The following PTPRS variants were observed in gnomAD, a reference collection of about 807,000 sequenced individuals.
PTPRS encodes receptor-type tyrosine-protein phosphatase S.
A neutral mutation model predicts 215.3 loss-of-function variants in PTPRS; 63 were observed. The observed-to-expected ratio is 0.29, with a 90% CI of 0.24 to 0.36. PTPRS has a LOEUF of 0.36. PTPRS is among the 10% of genes least tolerant of loss of function. PTPRS has a pLI of 1.00. For missense variants in PTPRS, 2,258 were observed against 2,825.8 expected, an observed-to-expected ratio of 0.80 and a Z score of 4.56; for synonymous variants, 1,404 against 1,191.4, an observed-to-expected ratio of 1.18 and a Z score of -3.68.
chr19:5,220,224 C>T (rs771085447), intron 21 of PTPRS, 36 bp downstream of exon 21: 2 of 1,610,070 alleles, frequency 1.2e-6, no homozygotes. Flanking sequence ...AACTGGAATG[C>T]ATCTGGGCCC....
Position 5,208,029 on chromosome 19 carries a change from T to C in PTPRS, c.5671A>G (p.Ile1891Val). ...SAGVGRTGVF[I>V]TLSIVLERMR... is the part of the protein sequence containing the mutation. ...CGCTCCAGCACGATGCTAAGCGTGA[T>C]GAAGACGCCCGTCCTGCCCACGCCG... is the stretch of plus-strand genomic sequence containing the variant. The change falls in exon 37 of 38, where the codon ATC becomes GTC. Residue 1891 changes from isoleucine to valine, a missense_variant. Ile to Val is a conservative substitution (Grantham distance 29). Around this residue, in one of 6 missense-constraint regions of PTPRS, gnomAD observed 89 missense variants for 104.0 expected, o/e 0.86. Transcript: ENST00000262963. 6.2e-7 allele frequency: 1 copy of C among 1,613,762 alleles called. No individual in the cohort carries two copies. The highest frequency in any genetic ancestry group is 1.1e-5 in the South Asian group (1 of 91,080).
intron 16 of PTPRS, among the ~76,000 whole-genome samples, chr19:5,227,657 G>A (rs1450600982): frequency 2.0e-5 from 3 of 151,702 alleles, no homozygotes; most frequent in East Asian, 3.9e-4. Flanking sequence ...TGATCCACCC[G>A]TCTTGGCCTC....
chr19:5,255,989 TCCG>T, intron 9 of PTPRS, 116 bp downstream of exon 9: 1 of 718,486 alleles, frequency 1.4e-6, no homozygotes, highest in Non-Finnish European at 2.2e-6. Flanking sequence ...CTATTTTTTT[TCCG>T]TGTGTGTGTC....
In PTPRS at chr19:5,257,306, T is replaced by G. The variant is rs956494857; in HGVS notation, c.706+711A>C. 1 of 408,128 alleles carries G rather than the reference T, an allele frequency of 2.5e-6. No homozygotes were observed. The allele number at this position is 408,128 out of a possible 1,614,324, so 25.3% of individuals were successfully genotyped here. A position where few individuals can be genotyped will look rare whatever the true frequency, so the allele number is the denominator to read the frequency against. On this transcript the variant is annotated intron_variant, in intron 8 of 37. Coordinates refer to ENST00000262963, the MANE Select transcript of PTPRS (RefSeq NM_002850.4). This position sits in a 1 kb window ranked among gnomAD's most constrained non-coding sequence, Gnocchi z 4.4. ...CTGCTGGGCATGACTGAGTGGGAAT[T>G]GGAAACTGAGAGTAACAAGCTTCGC...
chr19:5,243,564 C>G (rs2145937128), intron 11 of PTPRS, among the ~76,000 whole-genome samples: 1 of 151,092 alleles, frequency 6.6e-6, no homozygotes, highest in African/African-American at 2.4e-5. Context: ...ACTGCAACCT[C>G]CACCTCCTGG....
chr19:5,317,342 C>G (rs1240534491), intron 1 of PTPRS, among the ~76,000 whole-genome samples: 1 of 152,084 alleles, frequency 6.6e-6, no homozygotes, highest in African/African-American at 2.4e-5. Context: ...CGTGGTGGCA[C>G]GCGCCTGTAA....
chr19:5,283,701 G>C (rs1394024811), intron 2 of PTPRS, among the ~76,000 whole-genome samples: 1 of 152,194 alleles, frequency 6.6e-6, no homozygotes, highest in Non-Finnish European at 1.5e-5. Context: ...TCACAGTGCA[G>C]CTATACCTGG....
intron 5 of PTPRS, among the ~76,000 whole-genome samples, chr19:5,263,464 T>C (rs2046170498): frequency 6.7e-6 from 1 of 149,372 alleles, no homozygotes; most frequent in Non-Finnish European, 1.5e-5. Flanking sequence ...TGAGGGGCGC[T>C]GGGGATGATT....
At chr19:5,255,702 A>G (rs1225339892) in intron 9 of PTPRS, among the ~76,000 whole-genome samples, 2 of 152,254 alleles carry the variant, frequency 1.3e-5, no homozygotes, top group Admixed American at 1.3e-4. Flanking sequence ...AACCGACAAG[A>G]GAGGCATGCA....
chr19:5,207,795 G>A (rs1426283672), intron 37 of PTPRS, 127 bp downstream of exon 37: 1 of 1,385,392 alleles, frequency 7.2e-7, no homozygotes, highest in Admixed American at 2.1e-5. Flanking sequence ...GGGGTCTGTG[G>A]ACCGTCTACC....
chr19:5,322,499 C>T (rs1045580481), intron 1 of PTPRS, among the ~76,000 whole-genome samples: 3 of 152,012 alleles, frequency 2.0e-5, no homozygotes, highest in African/African-American at 4.8e-5. Context: ...GAGCCCGCCC[C>T]GACTGGCCGA....
intron 7 of PTPRS, among the ~76,000 whole-genome samples, chr19:5,258,416 G>C (rs761505586): frequency 6.4e-4 from 97 of 152,222 alleles, no homozygotes; most frequent in Non-Finnish European, 1.1e-3. Context: ...CTGCCAAGTT[G>C]AATTACAAAG....
chr19:5,239,143 A>C, intron 12 of PTPRS, 80 bp from the exon 13 acceptor site: 1 of 1,016,816 alleles, frequency 9.8e-7, no homozygotes, highest in Non-Finnish European at 1.4e-6. Flanking sequence ...AGAGAGAGAG[A>C]CAGAAACAGA....
Position 5,223,303 on chromosome 19 carries a change from G to C in PTPRS, c.2495-6C>G. The C allele has an allele frequency of 2.1e-6, 3 of 1,450,808 alleles. No individual in the cohort carries two copies. Among genetic ancestry groups the C allele is most frequent in the Non-Finnish European group, 2.7e-6 (3 of 1,109,570 alleles). The allele number at this position is 1,450,808 out of a possible 1,614,324, so 89.9% of individuals were successfully genotyped here. ...CAGGGTTGGGCGGCCCAGCACTGCG[G>C]GGATACGGGGCAGGTGTCAGGGTCC... is the stretch of plus-strand genomic sequence containing the variant. On this transcript the variant is annotated splice_region_variant and splice_polypyrimidine_tract_variant and intron_variant, in intron 17 of 37. Transcript: ENST00000262963.
At chr19:5,252,851 T>C in intron 9 of PTPRS, among the ~76,000 whole-genome samples, 1 of 120,442 alleles carries the variant, frequency 8.3e-6, no homozygotes, top group Admixed American at 1.2e-4. Context: ...CCAGCCTGAG[T>C]GACAAGAGTG....
chr19:5,216,751 G>C lies in PTPRS; in HGVS notation c.4065C>G (p.Ser1355Arg). 1 of 1,576,712 alleles carries C rather than the reference G, an allele frequency of 6.3e-7. No homozygotes were observed. Among genetic ancestry groups the C allele is most frequent in the Non-Finnish European group, 8.6e-7 (1 of 1,160,260 alleles). ...NFQTPDSGLR[S>R]PLREPGFHFE... is the part of the protein sequence containing the mutation. ...AGTGAAACCCCGGCTCCCTGAGGGG[G>C]CTCCTGAGGCCTGAATCTGCAAACA... The change falls in exon 26 of 38, where the codon AGC becomes AGG. Residue 1355 changes from serine (S) to arginine (R), a missense_variant. This residue lies in a region of PTPRS where 927 missense variants were observed against 1,125.9 expected (regional missense o/e 0.82). Transcript: ENST00000262963.
At chr19:5,239,938 G>C (rs971594177) in intron 12 of PTPRS, among the ~76,000 whole-genome samples, 6 of 152,180 alleles carry the variant, frequency 3.9e-5, no homozygotes, top group Non-Finnish European at 7.3e-5. Context: ...CACAGATCAA[G>C]AGAGATGGGG....
At chr19:5,218,202 T>TTAA (rs1555743375) in intron 25 of PTPRS, among the ~76,000 whole-genome samples, 1 of 146,238 alleles carries the variant, frequency 6.8e-6, no homozygotes. Context: ...ATGTTAACTT[T>TTAA]AAAAAAAAAA....
intron 2 of PTPRS, among the ~76,000 whole-genome samples, chr19:5,276,215 GTGTTTTTGTTTT>G (rs139242208): frequency 5.3e-5 from 8 of 151,862 alleles, no homozygotes; most frequent in African/African-American, 1.9e-4. Context: ...TGGAGTAGGA[GTGTTTTTGTTTT>G]TGTTTTTGTT....
Sources: allele counts gnomAD v4.1 joint callset (sites outside exome capture counted in the v4.1 genomes callset), GRCh38; gene constraint gnomAD v4.1.1; regional missense constraint gnomAD v4.1.1; non-coding constraint Gnocchi (gnomAD v3.1); transcripts MANE v1.5; gene names NCBI Gene and HGNC (gene_info 2026-07-23, HGNC 2026-07-21).